NELL1: variants seen among roughly 807,000 people sequenced by gnomAD.
NELL1 encodes protein kinase C-binding protein NELL1.
In NELL1, 76 loss-of-function variants were observed where a neutral mutation model predicts 107.4. The observed-to-expected ratio is 0.71, with a 90% CI of 0.59 to 0.86. NELL1 has a LOEUF of 0.86. Ranked by LOEUF, NELL1 falls within the 40% of genes least tolerant of loss-of-function variation. The probability of loss-of-function intolerance (pLI) is 0.00; values close to 1 mark genes in which losing one functional copy is unlikely to be tolerated. For synonymous variants in NELL1, 353 were observed against 341.2 expected, an observed-to-expected ratio of 1.03 and a Z score of -0.38; for missense variants, 1,024 against 1,005.5, an observed-to-expected ratio of 1.02 and a Z score of -0.25.
In NELL1 at chr11:20,783,971, A is replaced by C. The variant is rs547757484; in HGVS notation, c.335+141A>C. On this transcript the variant is annotated intron_variant, in intron 3 of 19. Coordinates refer to ENST00000357134, the MANE Select transcript of NELL1 (RefSeq NM_006157.5). Reference sequence around the variant, plus strand: ...TTCTGTTGAACACATTCATGAATTTACTTTGCATTAAGAATTTACTTTGGT... The same window carrying C: ...TTCTGTTGAACACATTCATGAATTTCCTTTGCATTAAGAATTTACTTTGGT... 8 of 744,732 alleles carry C rather than the reference A, an allele frequency of 1.1e-5. No homozygotes were observed. In the South Asian group the frequency reaches 3.2e-4, roughly 30 times the overall value. 46.1% of individuals were successfully genotyped at this position (744,732 alleles called of 1,614,324 possible).
At chr11:21,531,766 T>C (rs1855995742) in intron 15 of NELL1, among the ~76,000 whole-genome samples, 1 of 152,158 alleles carries the variant, frequency 6.6e-6, no homozygotes, top group Non-Finnish European at 1.5e-5. Flanking sequence ...TGTTTGCCTG[T>C]AGGGAGTGCT....
chr11:21,209,336 TA>T (rs1857452016), intron 13 of NELL1, among the ~76,000 whole-genome samples: 1 of 147,702 alleles, frequency 6.8e-6, no homozygotes, highest in Non-Finnish European at 1.5e-5. Context: ...ATATATTATA[TA>T]TATATATATA....
chr11:20,787,007 CAAAAAAAAAAAAAAA>C (rs71443763), intron 3 of NELL1, among the ~76,000 whole-genome samples: 1 of 60,854 alleles, frequency 1.6e-5, no homozygotes, highest in Admixed American at 2.7e-4. Flanking sequence ...GACTCCGTCT[CAAAAAAAAAAAAAAA>C]AAAAAAAAAG....
chr11:21,312,495 A>G (rs1355956450), intron 14 of NELL1, among the ~76,000 whole-genome samples: 1 of 152,184 alleles, frequency 6.6e-6, no homozygotes, highest in Non-Finnish European at 1.5e-5. Flanking sequence ...ACTGCCATCA[A>G]TCACACCCTG....
intron 13 of NELL1, among the ~76,000 whole-genome samples, chr11:21,140,659 T>C (rs1855845296): frequency 6.6e-6 from 1 of 152,234 alleles, no homozygotes; most frequent in Admixed American, 6.5e-5. Context: ...TATATATTTT[T>C]TGTTTAGGTC....
intron 14 of NELL1, among the ~76,000 whole-genome samples, chr11:21,301,713 G>T (rs1849495025): frequency 6.6e-6 from 1 of 151,896 alleles, no homozygotes; most frequent in African/African-American, 2.4e-5. Context: ...CACTCTGATG[G>T]TAGTTTCTTT....
chr11:21,542,620 G>A (rs1439823196), intron 16 of NELL1, among the ~76,000 whole-genome samples: 1 of 151,916 alleles, frequency 6.6e-6, no homozygotes, highest in Non-Finnish European at 1.5e-5. Context: ...CTACTACTGG[G>A]ATATCCACTG....
At chr11:21,556,318 A>C (rs1856705925) in intron 16 of NELL1, among the ~76,000 whole-genome samples, 1 of 151,964 alleles carries the variant, frequency 6.6e-6, no homozygotes, top group Admixed American at 6.6e-5. Context: ...ATGTGCTGTC[A>C]AAGTTATTCA....
chr11:21,154,742 G>A (rs1364808671), intron 13 of NELL1, among the ~76,000 whole-genome samples: 1 of 152,118 alleles, frequency 6.6e-6, no homozygotes, highest in Non-Finnish European at 1.5e-5. Flanking sequence ...AATAAACCAG[G>A]CAATCATGAG....
In NELL1 at chr11:21,451,194, AAAAAAAAAG is replaced by A. The variant is rs1305867103; in HGVS notation, c.1645+80255_1645+80263del. On this transcript the variant is annotated intron_variant, in intron 15 of 19. Coordinates refer to ENST00000357134, the MANE Select transcript of NELL1 (RefSeq NM_006157.5). ...AGAGATAGACTCCGTCTAAAAAAAAAAAAAAAAAGAAAAAAAAAAGAAAAAAGAAAAAGA... is the reference window on the plus strand; with the variant it reads ...AGAGATAGACTCCGTCTAAAAAAAAAAAAAAAAAAAGAAAAAAGAAAAAGA... Among the ~76,000 whole-genome samples the A allele has an allele frequency of 2.9e-5, 4 of 139,874 alleles. No individual in the cohort carries two copies. The East Asian group carries it at 8.0e-4, about 28-fold the overall frequency. 91.8% of individuals were successfully genotyped at this position (139,874 alleles called of 152,430 possible). A position where few individuals can be genotyped will look rare whatever the true frequency, so the allele number is the denominator to read the frequency against.
rs948115450 is a variant in NELL1 at position 21,539,831 on chromosome 11, C to CCCATTTAGGG, written c.1786+5336_1786+5345dup. Among the ~76,000 whole-genome samples, 129 of 151,578 alleles carry CCCATTTAGGG rather than the reference C, an allele frequency of 8.5e-4. 1 individual carries two copies. Among genetic ancestry groups the CCCATTTAGGG allele is most frequent in the African/African-American group, 3.0e-3 (122 of 41,268 alleles). On this transcript the variant is annotated intron_variant, in intron 16 of 19. Coordinates refer to ENST00000357134, the MANE Select transcript of NELL1 (RefSeq NM_006157.5). Reference sequence around the variant, plus strand: ...GGTTGCGAAAACAGGAATGCCTGTTCCCATTTAGGGCCATTTAGGGCCATT... The same window carrying CCCATTTAGGG: ...GGTTGCGAAAACAGGAATGCCTGTTCCCATTTAGGGCCATTTAGGGCCATTTAGGGCCATT...
intron 12 of NELL1, among the ~76,000 whole-genome samples, chr11:21,029,401 G>C (rs976191739): frequency 6.6e-6 from 1 of 151,854 alleles, no homozygotes; most frequent in Admixed American, 6.6e-5. Context: ...GTTTTGTTGT[G>C]TCATAGGTTT....
intron 2 of NELL1, among the ~76,000 whole-genome samples, chr11:20,690,642 A>G (rs1252719684): frequency 6.6e-6 from 1 of 151,112 alleles, no homozygotes; most frequent in African/African-American, 2.4e-5. Context: ...ATTGATCTAT[A>G]TCTCTGTTTT....
intron 1 of NELL1, among the ~76,000 whole-genome samples, chr11:20,676,560 T>C (rs1854062496): frequency 6.6e-6 from 1 of 152,128 alleles, no homozygotes; most frequent in Non-Finnish European, 1.5e-5. Context: ...TTATAGACAT[T>C]TTGTCTGCCT....
intron 2 of NELL1, among the ~76,000 whole-genome samples, chr11:20,772,642 T>TTCATTCAC (rs1856663407): frequency 6.6e-6 from 1 of 151,912 alleles, no homozygotes; most frequent in Admixed American, 6.6e-5. Context: ...CATTCATTCA[T>TTCATTCAC]TCCTGAACCC....
intron 14 of NELL1, among the ~76,000 whole-genome samples, chr11:21,243,723 C>T (rs1039864240): frequency 2.6e-5 from 4 of 152,182 alleles, no homozygotes; most frequent in African/African-American, 9.6e-5. Flanking sequence ...AAGAAAGATA[C>T]TAGACACAGG....
intron 2 of NELL1, among the ~76,000 whole-genome samples, chr11:20,765,501 G>T (rs1218721046): frequency 6.6e-6 from 1 of 152,162 alleles, no homozygotes; most frequent in Non-Finnish European, 1.5e-5. Flanking sequence ...AGACCAGGAG[G>T]CCTGCTTTAG....
chr11:20,941,021 C>T (rs557878067), intron 10 of NELL1, among the ~76,000 whole-genome samples: 9 of 152,100 alleles, frequency 5.9e-5, no homozygotes, highest in Non-Finnish European at 1.3e-4. Context: ...TGCCTGTAAT[C>T]CCAGCTACTC....
intron 2 of NELL1, among the ~76,000 whole-genome samples, chr11:20,704,973 T>C (rs927346087): frequency 6.6e-6 from 1 of 152,076 alleles, no homozygotes; most frequent in African/African-American, 2.4e-5. Context: ...AAGGACCGCT[T>C]CAAGGAGAAC....
Sources: gnomAD v4.1 joint callset for allele counts (sites outside exome capture counted in the v4.1 genomes callset) on GRCh38, gnomAD v4.1.1 for gene constraint, MANE v1.5 for transcripts, NCBI Gene and HGNC (gene_info 2026-07-23, HGNC 2026-07-21) for gene names.